Variants in ALK observed in about 807,000 individuals in gnomAD.
The protein encoded by ALK is ALK receptor tyrosine kinase.
In ALK, 74 loss-of-function variants were observed where a neutral mutation model predicts 163.1. That is an observed-to-expected ratio of 0.45 (90% CI 0.38 to 0.55). The LOEUF is 0.55. ALK is among the 20% of genes least tolerant of loss of function. The pLI is 0.00. For synonymous variants in ALK, 960 were observed against 843.2 expected, an observed-to-expected ratio of 1.14 and a Z score of -2.40; for missense variants, 2,063 against 2,105.3, an observed-to-expected ratio of 0.98 and a Z score of 0.39.
At chr2:29,703,291 A>C (rs1188114582) in intron 2 of ALK, among the ~76,000 whole-genome samples, 2 of 152,204 alleles carry the variant, frequency 1.3e-5, no homozygotes, top group Admixed American at 6.5e-5. Context: ...CACTTGTTGA[A>C]TGGTGATGTC....
chr2:29,216,933 G>T (rs143760290), intron 23 of ALK, among the ~76,000 whole-genome samples: 3 of 140,916 alleles, frequency 2.1e-5, no homozygotes, highest in African/African-American at 8.2e-5. Context: ...GGTGTGTGGG[G>T]GGTGTGTGTG....
chr2:29,653,132 G>A (rs974006518), intron 3 of ALK, among the ~76,000 whole-genome samples: 5 of 152,126 alleles, frequency 3.3e-5, no homozygotes, highest in African/African-American at 1.2e-4. Context: ...AGGATACCCA[G>A]CTGGTGTTTG....
intron 8 of ALK, among the ~76,000 whole-genome samples, chr2:29,302,504 G>A (rs908026527): frequency 1.3e-5 from 2 of 152,156 alleles, no homozygotes; most frequent in Non-Finnish European, 2.9e-5. Flanking sequence ...GGGGACAAGA[G>A]CAAGACTTCG....
chr2:29,436,578 G>A (rs1670402795), intron 4 of ALK, among the ~76,000 whole-genome samples: 1 of 152,138 alleles, frequency 6.6e-6, no homozygotes, highest in Non-Finnish European at 1.5e-5. Context: ...CTTCTACTGG[G>A]TATCATGAGG....
chr2:29,711,307 ACT>A (rs1031847541), intron 2 of ALK, among the ~76,000 whole-genome samples: 3 of 151,504 alleles, frequency 2.0e-5, no homozygotes, highest in South Asian at 4.2e-4. Flanking sequence ...TCTTCTCCTG[ACT>A]CTCTGTGTTC....
At chr2:29,427,203 T>C (rs1378002134) in intron 4 of ALK, among the ~76,000 whole-genome samples, 5 of 151,996 alleles carry the variant, frequency 3.3e-5, no homozygotes, top group South Asian at 2.1e-4. Flanking sequence ...GCACACCTGA[T>C]AGTAATTTTA....
chr2:29,377,158 G>T (rs747420223), intron 5 of ALK, among the ~76,000 whole-genome samples: 1 of 151,994 alleles, frequency 6.6e-6, no homozygotes. Flanking sequence ...TAACATCTAG[G>T]ACCAGACCAT....
chr2:29,843,140 G>T (rs960041062), intron 1 of ALK, among the ~76,000 whole-genome samples: 3 of 152,038 alleles, frequency 2.0e-5, no homozygotes, highest in African/African-American at 7.2e-5. Context: ...CCAATATTAG[G>T]TTGTGTTCAT....
At chr2:29,336,962 T>C (rs1391110636) in intron 5 of ALK, among the ~76,000 whole-genome samples, 2 of 152,060 alleles carry the variant, frequency 1.3e-5, no homozygotes, top group Non-Finnish European at 1.5e-5. Flanking sequence ...ACCTGGTGTC[T>C]AGGGGACTCA....
chr2:29,710,499 C>CGCGT (rs1553350593), intron 2 of ALK, among the ~76,000 whole-genome samples: 10 of 144,662 alleles, frequency 6.9e-5, no homozygotes, highest in Non-Finnish European at 1.2e-4. Context: ...AGTCTGTGTG[C>CGCGT]GTGTGTGTGT....
intron 4 of ALK, among the ~76,000 whole-genome samples, chr2:29,426,201 A>G (rs756618287): frequency 7.2e-5 from 11 of 152,186 alleles, no homozygotes; most frequent in Non-Finnish European, 1.0e-4. Flanking sequence ...GGATGATCAC[A>G]CACACCATGC....
chr2:29,657,431 C>G (rs954284464), intron 3 of ALK, among the ~76,000 whole-genome samples: 1 of 152,126 alleles, frequency 6.6e-6, no homozygotes, highest in Non-Finnish European at 1.5e-5. Context: ...AAAGATGTCT[C>G]TGAAACTGAG....
intron 1 of ALK, among the ~76,000 whole-genome samples, chr2:29,776,707 AGATTG>A (rs973714177): frequency 4.6e-5 from 7 of 152,120 alleles, no homozygotes; most frequent in African/African-American, 1.7e-4. Context: ...TGAGGTGGGA[AGATTG>A]CTTGAGCCTG....
rs145714347 is a variant in ALK, at chr2:29,628,426, G to A, written c.952+66424C>T. Among the ~76,000 whole-genome samples the A allele has an allele frequency of 3.8e-3, 577 of 152,264 alleles. 1 individual carries two copies. Among genetic ancestry groups the A allele is most frequent in the African/African-American group, 0.012 (519 of 41,546 alleles). The stretch of plus-strand genomic sequence containing the variant: ...TTTCTTAACTCCATGGGACTTAAGT[G>A]TATAAGCAGCCATAGTAACCAGGAG... On this transcript the variant is annotated intron_variant, in intron 3 of 28. Coordinates refer to ENST00000389048, the MANE Select transcript of ALK (RefSeq NM_004304.5).
At chr2:29,608,051 A>C (rs1003442570) in intron 3 of ALK, among the ~76,000 whole-genome samples, 1 of 142,734 alleles carries the variant, frequency 7.0e-6, no homozygotes, top group African/African-American at 2.6e-5. Flanking sequence ...TTTGTCTGGA[A>C]TGCTCTCTCC....
At chr2:29,367,021 G>A (rs936309565) in intron 5 of ALK, among the ~76,000 whole-genome samples, 2 of 151,996 alleles carry the variant, frequency 1.3e-5, no homozygotes, top group Non-Finnish European at 2.9e-5. Context: ...CAAACACGCC[G>A]CTTCCCTGGG....
At chr2:29,901,167 C>A (rs1300694824) in intron 1 of ALK, among the ~76,000 whole-genome samples, 1 of 152,322 alleles carries the variant, frequency 6.6e-6, no homozygotes, top group South Asian at 2.1e-4. Context: ...CACTTAACCC[C>A]ACAGAGCCTC....
chr2:29,762,018 G>A (rs990155545), intron 1 of ALK, among the ~76,000 whole-genome samples: 2 of 152,316 alleles, frequency 1.3e-5, no homozygotes, highest in African/African-American at 4.8e-5. Flanking sequence ...TAGAGTAGGG[G>A]AATAATCGCA....
intron 1 of ALK, among the ~76,000 whole-genome samples, chr2:29,778,878 G>A (rs1213252140): frequency 4.6e-5 from 7 of 152,108 alleles, no homozygotes; most frequent in Non-Finnish European, 7.3e-5. Flanking sequence ...CCTTAAGGCC[G>A]GGTGCGGTGG....
Sources: allele counts gnomAD v4.1 joint callset (sites outside exome capture counted in the v4.1 genomes callset), GRCh38; gene constraint gnomAD v4.1.1; transcripts MANE v1.5; gene names NCBI Gene and HGNC (gene_info 2026-07-23, HGNC 2026-07-21).